The following SCFD2 variants were observed in gnomAD, a reference collection of about 807,000 sequenced individuals.
The protein encoded by SCFD2 is sec1 family domain-containing protein 2.
In SCFD2, 54 loss-of-function variants were observed where a neutral mutation model predicts 58.9. That is an observed-to-expected ratio of 0.92 (90% CI 0.74 to 1.15). The LOEUF (loss-of-function observed/expected upper bound fraction) is 1.15, where lower values mean the gene tolerates loss of function less well. Ranked by LOEUF, SCFD2 falls within the 50% of genes most tolerant of loss-of-function variation. SCFD2 has a pLI of 0.00. For synonymous variants in SCFD2, 321 were observed against 335.9 expected (o/e 0.96, Z 0.49); for missense variants, 805 against 836.6 (o/e 0.96, Z 0.47).
chr4:52,933,382 A>T (rs1196726145), intron 5 of SCFD2, among the ~76,000 whole-genome samples: 1 of 152,156 alleles, frequency 6.6e-6, no homozygotes, highest in African/African-American at 2.4e-5. Context: ...GATGAATCAC[A>T]TTGTCTACAG....
At chr4:53,331,642 A>T (rs1360594493) in intron 2 of SCFD2, among the ~76,000 whole-genome samples, 1 of 152,258 alleles carries the variant, frequency 6.6e-6, no homozygotes, top group Admixed American at 6.5e-5. Context: ...CAGGAGAAAG[A>T]AGGAAAGATC....
intron 3 of SCFD2, among the ~76,000 whole-genome samples, chr4:53,296,871 A>G (rs559003654): frequency 3.4e-4 from 51 of 152,216 alleles, no homozygotes; most frequent in African/African-American, 1.1e-3. Context: ...GAACATCTTT[A>G]TTTCCGCCTT....
chr4:53,356,966 T>C (rs542340715), intron 1 of SCFD2, among the ~76,000 whole-genome samples: 7 of 152,092 alleles, frequency 4.6e-5, no homozygotes, highest in African/African-American at 1.4e-4. Flanking sequence ...ACACCTACCT[T>C]CATTAATATT....
intron 3 of SCFD2, 133 bp downstream of exon 3, chr4:53,313,503 C>T: frequency 1.0e-6 from 1 of 954,912 alleles, no homozygotes; most frequent in Non-Finnish European, 1.6e-6. Context: ...TATTCCTTCC[C>T]TATTCTTTCA....
intron 5 of SCFD2, among the ~76,000 whole-genome samples, chr4:52,965,454 C>T (rs962343008): frequency 1.3e-5 from 2 of 152,206 alleles, no homozygotes; most frequent in African/African-American, 4.8e-5. Context: ...AGTGTTCATT[C>T]TACCCACAGA....
intron 4 of SCFD2, among the ~76,000 whole-genome samples, chr4:53,174,864 G>A (rs753814232): frequency 6.6e-6 from 1 of 152,152 alleles, no homozygotes; most frequent in Non-Finnish European, 1.5e-5. Context: ...AGTATAGTTA[G>A]CATGGGATGT....
chr4:53,243,846 T>C (rs1423527382), intron 4 of SCFD2, among the ~76,000 whole-genome samples: 1 of 152,236 alleles, frequency 6.6e-6, no homozygotes, highest in Non-Finnish European at 1.5e-5. Context: ...GTTTCAATCC[T>C]AATTTCAGAC....
intron 5 of SCFD2, chr4:52,945,572 G>A (rs1047739367): frequency 3.9e-5 from 6 of 152,134 alleles, no homozygotes; most frequent in Admixed American, 2.6e-4. Flanking sequence ...ATGGAAAAAT[G>A]AGTTGTACTT....
At chr4:53,331,947 C>G (rs2149133421) in intron 2 of SCFD2, among the ~76,000 whole-genome samples, 1 of 152,210 alleles carries the variant, frequency 6.6e-6, no homozygotes, top group East Asian at 1.9e-4. Flanking sequence ...TACAAACTAC[C>G]ATCAGAGAAT....
intron 5 of SCFD2, among the ~76,000 whole-genome samples, chr4:53,142,337 G>A (rs970961240): frequency 6.6e-6 from 1 of 152,154 alleles, no homozygotes; most frequent in Non-Finnish European, 1.5e-5. Flanking sequence ...TATATAAAAA[G>A]TAGAATTGTT....
chr4:53,329,711 G>A (rs1380631808), intron 2 of SCFD2, among the ~76,000 whole-genome samples: 3 of 152,198 alleles, frequency 2.0e-5, no homozygotes, highest in African/African-American at 7.2e-5. Flanking sequence ...AAGGAACGCA[G>A]TTCCTCACCA....
At chr4:53,256,646 T>G (rs1426790288) in intron 4 of SCFD2, among the ~76,000 whole-genome samples, 1 of 152,024 alleles carries the variant, frequency 6.6e-6, no homozygotes, top group Non-Finnish European at 1.5e-5. Flanking sequence ...AGGCCGAGGC[T>G]GGCGGATCAC....
chr4:53,108,373 G>A (rs1725066621), intron 5 of SCFD2, among the ~76,000 whole-genome samples: 1 of 151,592 alleles, frequency 6.6e-6, no homozygotes, highest in Non-Finnish European at 1.5e-5. Flanking sequence ...AACTACAGCA[G>A]AAGTGAAGGA....
At chr4:53,232,911 G>A (rs1316070222) in intron 4 of SCFD2, among the ~76,000 whole-genome samples, 2 of 152,108 alleles carry the variant, frequency 1.3e-5, no homozygotes, top group Non-Finnish European at 1.5e-5. Context: ...AGATAGCAAG[G>A]CATAGACTTT....
intron 8 of SCFD2, among the ~76,000 whole-genome samples, chr4:52,879,813 C>T (rs1485952834): frequency 6.6e-6 from 1 of 152,228 alleles, no homozygotes; most frequent in Non-Finnish European, 1.5e-5. Flanking sequence ...CCAGGATTTA[C>T]ATTCCATATC....
chr4:53,076,038 G>A (rs1335040814), intron 5 of SCFD2, among the ~76,000 whole-genome samples: 1 of 152,166 alleles, frequency 6.6e-6, no homozygotes, highest in African/African-American at 2.4e-5. Context: ...CTGTATATGT[G>A]TAGGGATTAT....
At chr4:53,217,261 T>C (rs538668392) in intron 4 of SCFD2, among the ~76,000 whole-genome samples, 6 of 152,116 alleles carry the variant, frequency 3.9e-5, no homozygotes, top group East Asian at 1.9e-4. Context: ...AAGTCTCCCA[T>C]TATTATTGTG....
chr4:52,960,368 C>G (rs893425026), intron 5 of SCFD2, among the ~76,000 whole-genome samples: 4 of 135,176 alleles, frequency 3.0e-5, no homozygotes, highest in Admixed American at 7.5e-5. Flanking sequence ...TCTTCTTCTT[C>G]TTTTTTTTTT....
Position 53,134,904 on chromosome 4 carries a change from GT to G in SCFD2, c.1561+10428del, listed in dbSNP as rs1206394381. Among the ~76,000 whole-genome samples the G allele has an allele frequency of 5.8e-4, 88 of 152,100 alleles. 2 individuals carry two copies. Among genetic ancestry groups the G allele is most frequent in the Non-Finnish European group, 1.0e-4 (7 of 67,988 alleles). ...TTTAGTTTCCAGAGATGTCTGCCTT[GT>G]ATTTAACCCAAAACTGCCTCTCAGC... On this transcript the variant is annotated intron_variant, in intron 5 of 8. Transcript: ENST00000401642.
Sources: gnomAD v4.1 joint callset for allele counts (sites outside exome capture counted in the v4.1 genomes callset) on GRCh38, gnomAD v4.1.1 for gene constraint, MANE v1.5 for transcripts, NCBI Gene and HGNC (gene_info 2026-07-23, HGNC 2026-07-21) for gene names.